FBXL13: variants seen among roughly 807,000 people sequenced by gnomAD.
FBXL13 encodes F-box and leucine rich repeat protein 13, also known as F-box and leucine-rich repeat protein 13.
A neutral mutation model predicts 83.6 loss-of-function variants in FBXL13; 67 were observed. That is an observed-to-expected ratio of 0.80 (90% CI 0.66 to 0.98). The LOEUF is 0.98. Ranked by LOEUF, FBXL13 falls within the 50% of genes least tolerant of loss-of-function variation. FBXL13 has a pLI of 0.00. For missense variants in FBXL13, 822 were observed against 866.5 expected, an observed-to-expected ratio of 0.95 and a Z score of 0.64; for synonymous variants, 272 against 299.5, an observed-to-expected ratio of 0.91 and a Z score of 0.95.
intron 18 of FBXL13, chr7:102,822,465 G>C (rs571417641): frequency 6.7e-6 from 4 of 596,800 alleles, no homozygotes; most frequent in African/African-American, 5.5e-5. Context: ...GAGAGAGAGA[G>C]AGCTCTAGTC....
chr7:102,954,451 A>C (rs1487474350), intron 8 of FBXL13, among the ~76,000 whole-genome samples: 1 of 152,208 alleles, frequency 6.6e-6, no homozygotes, highest in East Asian at 1.9e-4. Flanking sequence ...ACAAATTATA[A>C]AGACCATCAC....
At chr7:102,935,242 C>CTTTTTTTTTTTT (rs71106700) in intron 8 of FBXL13, among the ~76,000 whole-genome samples, 1 of 76,402 alleles carries the variant, frequency 1.3e-5, no homozygotes, top group African/African-American at 5.8e-5. Context: ...TTTTTTCTTT[C>CTTTTTTTTTTTT]TTTTTTTTTT....
chr7:103,074,221 G>A (rs1799383861), intron 1 of FBXL13: 4 of 992,080 alleles, frequency 4.0e-6, no homozygotes, highest in Non-Finnish European at 4.8e-6. Context: ...CTGCCCTCAC[G>A]GCTCCATGGA....
At chr7:102,958,942 G>A (rs901696496) in intron 8 of FBXL13, among the ~76,000 whole-genome samples, 1 of 151,764 alleles carries the variant, frequency 6.6e-6, no homozygotes, top group Non-Finnish European at 1.5e-5. Flanking sequence ...TTATTTTCAT[G>A]AAAAATATGA....
chr7:102,932,047 C>A, intron 8 of FBXL13, 114 bp from the exon 10 acceptor site: 2 of 955,398 alleles, frequency 2.1e-6, no homozygotes, highest in Non-Finnish European at 1.5e-6. Context: ...AAAACCTTGG[C>A]AAGTAACATG....
intron 16 of FBXL13, among the ~76,000 whole-genome samples, chr7:102,858,984 G>C (rs1806419298): frequency 6.6e-6 from 1 of 152,088 alleles, no homozygotes; most frequent in Non-Finnish European, 1.5e-5. Context: ...AAATTGGTGA[G>C]TTTTATGGTA....
chr7:102,994,630 A>G (rs1829908186), intron 6 of FBXL13, among the ~76,000 whole-genome samples: 1 of 152,232 alleles, frequency 6.6e-6, no homozygotes, highest in East Asian at 1.9e-4. Flanking sequence ...TACATTAAAG[A>G]AAAAAGGAGG....
chr7:102,905,936 T>C (rs1813681057), intron 11 of FBXL13, among the ~76,000 whole-genome samples: 4 of 152,208 alleles, frequency 2.6e-5, no homozygotes, highest in Admixed American at 2.6e-4. Context: ...GTTTTCATGC[T>C]GCTCATAAAG....
intron 1 of FBXL13, among the ~76,000 whole-genome samples, chr7:103,063,408 T>A (rs565611116): frequency 1.3e-5 from 2 of 152,332 alleles, no homozygotes; most frequent in East Asian, 3.9e-4. Flanking sequence ...ATAGGTTATA[T>A]ACAAATGCTA....
chr7:102,841,611 C>A (rs1381407543), intron 17 of FBXL13, among the ~76,000 whole-genome samples: 1 of 152,222 alleles, frequency 6.6e-6, no homozygotes. Flanking sequence ...TGTCAAATCC[C>A]ACATCCTTTG....
intron 14 of FBXL13, among the ~76,000 whole-genome samples, chr7:102,881,961 G>A (rs1047487723): frequency 9.9e-5 from 15 of 152,156 alleles, no homozygotes; most frequent in Admixed American, 8.5e-4. Context: ...GGCAACATAG[G>A]TTGAGATTCT....
At chr7:102,944,379 G>A (rs1187530743) in intron 8 of FBXL13, 19 of 1,613,936 alleles carry the variant, frequency 1.2e-5, no homozygotes, top group Admixed American at 1.7e-5. Flanking sequence ...ACTGGTTAAA[G>A]CACCACTACA....
In FBXL13 at chr7:103,029,493, CAAGAAA is replaced by C. The variant is rs1252256494; in HGVS notation, c.1-81_1-76del. 7.1e-5 allele frequency: 58 copies of C among 817,184 alleles called. No homozygotes were observed. The South Asian group carries it at 1.2e-3, about 17-fold the overall frequency. The allele number at this position is 817,184 out of a possible 1,614,324, so 50.6% of individuals were successfully genotyped here. A position where few individuals can be genotyped will look rare whatever the true frequency, so the allele number is the denominator to read the frequency against. ...GCACAGACTACCTCTGCAAGATACTCAAGAAAAAGAGAGCAATGGATGCCAAGAGGG... is the reference window on the plus strand; with the variant it reads ...GCACAGACTACCTCTGCAAGATACTCAAGAGAGCAATGGATGCCAAGAGGG... On this transcript the variant is annotated intron_variant, in intron 2 of 19. Transcript: ENST00000313221.
intron 10 of FBXL13, among the ~76,000 whole-genome samples, chr7:102,925,269 CCTGTAG>C (rs1817897707): frequency 6.6e-6 from 1 of 152,002 alleles, no homozygotes; most frequent in African/African-American, 2.4e-5. Context: ...GTGGCATGCT[CCTGTAG>C]TCCCAGCTAC....
intron 6 of FBXL13, among the ~76,000 whole-genome samples, chr7:103,020,917 T>C: frequency 6.6e-6 from 1 of 152,206 alleles, no homozygotes; most frequent in East Asian, 1.9e-4. Context: ...CCCAAGGTAA[T>C]TTATAGATTC....
chr7:102,958,206 C>T (rs1324538159), intron 8 of FBXL13, among the ~76,000 whole-genome samples: 1 of 152,044 alleles, frequency 6.6e-6, no homozygotes, highest in African/African-American at 2.4e-5. Context: ...ACTATGCAGC[C>T]ATAAAAAGGA....
At chr7:103,062,039 A>AC (rs1187958170) in intron 1 of FBXL13, among the ~76,000 whole-genome samples, 2 of 151,372 alleles carry the variant, frequency 1.3e-5, no homozygotes, top group South Asian at 4.2e-4. Context: ...AAAAAAAAAA[A>AC]AAAAACAAAC....
intron 17 of FBXL13, among the ~76,000 whole-genome samples, chr7:102,851,896 A>G (rs1805314982): frequency 6.6e-6 from 1 of 152,144 alleles, no homozygotes; most frequent in South Asian, 2.1e-4. Context: ...TGAAGAATCA[A>G]TTGAGCACGT....
At chr7:102,824,050 T>A (rs948596953) in intron 18 of FBXL13, among the ~76,000 whole-genome samples, 2 of 152,230 alleles carry the variant, frequency 1.3e-5, no homozygotes, top group African/African-American at 4.8e-5. Context: ...CAGGTTTGGT[T>A]TGATACTAGG....
Sources: allele counts gnomAD v4.1 joint callset (sites outside exome capture counted in the v4.1 genomes callset), GRCh38; gene constraint gnomAD v4.1.1; transcripts MANE v1.5; gene names NCBI Gene and HGNC (gene_info 2026-07-23, HGNC 2026-07-21).